Variants in STK40 observed in about 807,000 individuals in gnomAD.
The protein encoded by STK40 is serine/threonine kinase 40, also known as serine/threonine-protein kinase 40.
STK40 carries 13 observed loss-of-function variants against 47.9 expected under a neutral mutation model. The observed-to-expected ratio is 0.27, with a 90% CI of 0.18 to 0.43. The LOEUF (loss-of-function observed/expected upper bound fraction) is 0.43, where lower values mean the gene tolerates loss of function less well. STK40 is among the 20% of genes least tolerant of loss of function. The probability of loss-of-function intolerance (pLI) is 1.00; values close to 1 mark genes in which losing one functional copy is unlikely to be tolerated. For synonymous variants in STK40, 225 were observed against 243.2 expected, an observed-to-expected ratio of 0.93 and a Z score of 0.69; for missense variants, 460 against 595.1, an observed-to-expected ratio of 0.77 and a Z score of 2.36.
chr1:36,343,259 A>T, intron 10 of STK40, 105 bp downstream of exon 10: 1 of 1,261,518 alleles, frequency 7.9e-7, no homozygotes, highest in East Asian at 2.5e-5. Flanking sequence ...GACCAAGGAA[A>T]CTCTGTGGCC....
Position 36,339,843 on chromosome 1 carries a change from C to T in STK40, c.*1912G>A, listed in dbSNP as rs1440494748. 6.5e-6 allele frequency: 1 copy of T among 152,674 alleles called. No individual in the cohort carries two copies. The highest frequency in any genetic ancestry group is 1.5e-5 in the Non-Finnish European group (1 of 68,074). 9.5% of individuals were successfully genotyped at this position (152,674 alleles called of 1,614,324 possible). A position where few individuals can be genotyped will look rare whatever the true frequency, so the allele number is the denominator to read the frequency against. On this transcript the variant is annotated 3_prime_UTR_variant, in exon 11 of 11. Transcript: ENST00000373132. ...TGGCTTGACCTTGGAAGGGCCCAGT[C>T]TGTCTGACAGGGCTTTGCAGACCCG...
intron 7 of STK40, among the ~76,000 whole-genome samples, chr1:36,346,201 A>G (rs1356408126): frequency 1.3e-5 from 2 of 151,298 alleles, no homozygotes; most frequent in Non-Finnish European, 2.9e-5. Flanking sequence ...TCACTGAGTT[A>G]ACGAGGATGG....
rs1229449017 is a variant in STK40, at chr1:36,343,461, A to C, written c.1005-13T>G. 1 of 1,610,686 alleles carries C rather than the reference A, an allele frequency of 6.2e-7. No individual in the cohort carries two copies. Among genetic ancestry groups the C allele is most frequent in the South Asian group, 1.1e-5 (1 of 90,404 alleles). ...TGACAGGGACTGCCTGCAGGGAGGC[A>C]GACAGGTCAGGCTGGCCCCAGAGAG... On this transcript the variant is annotated splice_polypyrimidine_tract_variant and intron_variant, in intron 9 of 10. Transcript: ENST00000373132.
In STK40 at chr1:36,343,992, G is replaced by A. The variant is rs941113552; in HGVS notation, c.885-13C>T. 6.2e-7 allele frequency: 1 copy of A among 1,600,092 alleles called. No homozygotes were observed. Among genetic ancestry groups the A allele is most frequent in the Non-Finnish European group, 8.5e-7 (1 of 1,169,988 alleles). The stretch of plus-strand genomic sequence containing the variant: ...AACCCGTCCATCCCTGAGGCAGGGA[G>A]TTGGGGAGGAGGGCTCAGTGGGTGG... On this transcript the variant is annotated splice_polypyrimidine_tract_variant and intron_variant, in intron 8 of 10. Coordinates refer to ENST00000373132, the MANE Select transcript of STK40 (RefSeq NM_001282547.2).
chr1:36,342,106 C>T, intron 10 of STK40, 133 bp from the exon 11 acceptor site: 4 of 864,244 alleles, frequency 4.6e-6, no homozygotes, highest in South Asian at 1.7e-5. Flanking sequence ...ACCCTCAGGC[C>T]TCAAGGCCGG....
rs897181797 is a variant in STK40, at chr1:36,342,042, G to C, written c.1090-69C>G. The C allele has an allele frequency of 7.6e-6, 11 of 1,447,292 alleles. No individual in the cohort carries two copies. The African/African-American group carries it at 1.3e-4, about 17-fold the overall frequency. The allele number at this position is 1,447,292 out of a possible 1,614,324, so 89.7% of individuals were successfully genotyped here. A position where few individuals can be genotyped will look rare whatever the true frequency, so the allele number is the denominator to read the frequency against. The stretch of plus-strand genomic sequence containing the variant: ...ATGAAGGCAGCGCAGCAGACAGGAG[G>C]GCAGGCAAGAGTGCTGGCAGCCTGG... On this transcript the variant is annotated intron_variant, in intron 10 of 10. Coordinates refer to ENST00000373132, the MANE Select transcript of STK40 (RefSeq NM_001282547.2).
chr1:36,362,218 A>G (rs1468622708), intron 1 of STK40, among the ~76,000 whole-genome samples: 1 of 152,162 alleles, frequency 6.6e-6, no homozygotes, highest in Non-Finnish European at 1.5e-5. Context: ...AACACAAAAG[A>G]GGAGTTGTCT....
At chr1:36,382,993 G>C (rs950897702) in intron 1 of STK40, among the ~76,000 whole-genome samples, 8 of 152,158 alleles carry the variant, frequency 5.3e-5, no homozygotes, top group African/African-American at 1.9e-4. Context: ...TTGTTGCCCA[G>C]GCTGGAGTGC....
chr1:36,385,234 G>A (rs1647075286), intron 1 of STK40, among the ~76,000 whole-genome samples: 1 of 152,212 alleles, frequency 6.6e-6, no homozygotes, highest in South Asian at 2.1e-4. Context: ...ACTCGTACCT[G>A]AACGCCGCCC....
At chr1:36,378,885 A>C (rs975504380) in intron 1 of STK40, among the ~76,000 whole-genome samples, 1 of 152,276 alleles carries the variant, frequency 6.6e-6, no homozygotes, top group Non-Finnish European at 1.5e-5. Flanking sequence ...TTATTGCAAA[A>C]AGTAGCAGGA....
At position 36,345,989 on chromosome 1, in the gene STK40, ATATT is replaced by A. The variant is rs1217482148; in HGVS notation, c.740-1729_740-1726del. 2.2e-3 allele frequency among the ~76,000 whole-genome samples: 43 copies of A among 19,584 alleles called. 1 individual carries two copies. The highest frequency in any genetic ancestry group is 6.6e-3 in the African/African-American group (40 of 6,052). The allele number at this position is 19,584 out of a possible 152,430, so 12.8% of individuals were successfully genotyped here. On this transcript the variant is annotated intron_variant, in intron 7 of 10. Transcript: ENST00000373132. ...ATTACATATATATATATATATATATATATTTTTTTTTTTTTTTTTTCCTGAGACA... is the reference window on the plus strand; with the variant it reads ...ATTACATATATATATATATATATATATTTTTTTTTTTTTTTTCCTGAGACA...
At chr1:36,366,408 C>T (rs137944204) in intron 1 of STK40, among the ~76,000 whole-genome samples, 8 of 152,320 alleles carry the variant, frequency 5.3e-5, no homozygotes, top group African/African-American at 1.7e-4. Flanking sequence ...CTTCCTGCCA[C>T]CCCTTCATGC....
At chr1:36,374,436 T>C (rs573349577) in intron 1 of STK40, among the ~76,000 whole-genome samples, 27 of 152,270 alleles carry the variant, frequency 1.8e-4, no homozygotes, top group Non-Finnish European at 3.5e-4. Flanking sequence ...CCGGTCCCCA[T>C]AGCCCTGAAC....
At chr1:36,356,185 G>A (rs1646802340) in intron 4 of STK40, among the ~76,000 whole-genome samples, 1 of 152,164 alleles carries the variant, frequency 6.6e-6, no homozygotes. Context: ...CTTAGGTCAT[G>A]CACTGCCAGG....
chr1:36,371,991 C>T (rs540149792), intron 1 of STK40, among the ~76,000 whole-genome samples: 8 of 151,892 alleles, frequency 5.3e-5, no homozygotes, highest in African/African-American at 4.8e-5. Context: ...AGCAAGACTC[C>T]GTCTCAAAAA....
chr1:36,366,776 G>C (rs1330757387), intron 1 of STK40, among the ~76,000 whole-genome samples: 1 of 151,882 alleles, frequency 6.6e-6, no homozygotes, highest in Non-Finnish European at 1.5e-5. Context: ...GAACTCAACA[G>C]TCCTTGCTTA....
rs559469064 is a variant in STK40 at position 36,343,998 on chromosome 1, G to A, written c.885-19C>T. On this transcript the variant is annotated intron_variant, in intron 8 of 10. Coordinates refer to ENST00000373132, the MANE Select transcript of STK40 (RefSeq NM_001282547.2). ...TCCATCCCTGAGGCAGGGAGTTGGGGAGGAGGGCTCAGTGGGTGGTGCTGG... is the reference window on the plus strand; with the variant it reads ...TCCATCCCTGAGGCAGGGAGTTGGGAAGGAGGGCTCAGTGGGTGGTGCTGG... The A allele has an allele frequency of 1.9e-6, 3 of 1,599,046 alleles. No individual in the cohort carries two copies. Among genetic ancestry groups the A allele is most frequent in the South Asian group, 2.2e-5 (2 of 90,264 alleles).
chr1:36,376,526 A>G (rs1254550205), intron 1 of STK40, among the ~76,000 whole-genome samples: 2 of 152,248 alleles, frequency 1.3e-5, no homozygotes, highest in African/African-American at 4.8e-5. Flanking sequence ...CACGTGTAGC[A>G]GCAAAAAACA....
At chr1:36,363,936 G>A (rs916954332) in intron 1 of STK40, among the ~76,000 whole-genome samples, 1 of 152,054 alleles carries the variant, frequency 6.6e-6, no homozygotes, top group Non-Finnish European at 1.5e-5. Context: ...AAGATCACGA[G>A]GTCAGGAGAT....
Sources: allele counts gnomAD v4.1 joint callset (sites outside exome capture counted in the v4.1 genomes callset), GRCh38; gene constraint gnomAD v4.1.1; transcripts MANE v1.5; gene names NCBI Gene and HGNC (gene_info 2026-07-23, HGNC 2026-07-21).